The following LHFPL2 variants were observed in gnomAD, a reference collection of about 807,000 sequenced individuals.
LHFPL2 encodes the protein LHFPL tetraspan subfamily member 2, also known as LHFPL tetraspan subfamily member 2 protein.
A neutral mutation model predicts 17.5 loss-of-function variants in LHFPL2; 7 were observed. The ratio of observed to expected loss-of-function variants is 0.40; its 90% confidence interval spans 0.23 to 0.75. The LOEUF (loss-of-function observed/expected upper bound fraction) is 0.75, where lower values mean the gene tolerates loss of function less well. Ranked by LOEUF, LHFPL2 falls within the 30% of genes least tolerant of loss-of-function variation. The probability of loss-of-function intolerance (pLI) is 0.37; values close to 1 mark genes in which losing one functional copy is unlikely to be tolerated. For missense variants in LHFPL2, 241 were observed against 294.8 expected (o/e 0.82, Z 1.34); for synonymous variants, 134 against 116.2 (o/e 1.15, Z -0.99).
chr5:78,565,767 G>A (rs1756843243), intron 2 of LHFPL2, among the ~76,000 whole-genome samples: 2 of 152,128 alleles, frequency 1.3e-5, no homozygotes, highest in African/African-American at 4.8e-5. Context: ...TTCCAAACAC[G>A]CCTTTTTCCT....
At chr5:78,618,896 C>T (rs941627059) in intron 2 of LHFPL2, among the ~76,000 whole-genome samples, 3 of 152,154 alleles carry the variant, frequency 2.0e-5, no homozygotes, top group Admixed American at 1.3e-4. Flanking sequence ...TTCAGAAAAT[C>T]GGTCAAAACC....
intron 2 of LHFPL2, among the ~76,000 whole-genome samples, chr5:78,571,312 T>C (rs933833424): frequency 6.6e-6 from 1 of 152,078 alleles, no homozygotes; most frequent in Non-Finnish European, 1.5e-5. Context: ...TGTAACTATT[T>C]TGCCTCTATA....
intron 1 of LHFPL2, among the ~76,000 whole-genome samples, chr5:78,637,889 A>C (rs933731649): frequency 1.3e-4 from 20 of 152,206 alleles, no homozygotes; most frequent in African/African-American, 4.1e-4. Context: ...ACTTCTACCC[A>C]CAACTCTGGA....
intron 2 of LHFPL2, among the ~76,000 whole-genome samples, chr5:78,620,969 C>CTT (rs34853039): frequency 1.4e-5 from 2 of 141,682 alleles, no homozygotes; most frequent in East Asian, 2.0e-4. Flanking sequence ...TCTCAAACTC[C>CTT]TTTTTTTTTT....
intron 1 of LHFPL2, among the ~76,000 whole-genome samples, chr5:78,634,882 A>G (rs1745379212): frequency 1.3e-5 from 2 of 152,244 alleles, no homozygotes; most frequent in African/African-American, 4.8e-5. Flanking sequence ...TATTTGTGAT[A>G]AGAATGGAAT....
intron 3 of LHFPL2, among the ~76,000 whole-genome samples, chr5:78,547,555 A>C (rs1324032377): frequency 6.6e-6 from 1 of 152,216 alleles, no homozygotes; most frequent in Admixed American, 6.5e-5. Context: ...CCTCACCAAA[A>C]TTTTAAAATA....
chr5:78,609,450 C>CAAAAAAAAAAAAAAAAAAAAAA (rs71613975), intron 2 of LHFPL2, among the ~76,000 whole-genome samples: 2 of 40,682 alleles, frequency 4.9e-5, no homozygotes, highest in African/African-American at 1.7e-4. Flanking sequence ...GACTCAGTCT[C>CAAAAAAAAAAAAAAAAAAAAAA]AAAAAAAAAA....
intron 4 of LHFPL2, among the ~76,000 whole-genome samples, chr5:78,495,322 C>T (rs1754572136): frequency 1.3e-5 from 2 of 152,230 alleles, no homozygotes; most frequent in African/African-American, 4.8e-5. Context: ...TACTACCCTC[C>T]TTCACCACCT....
At chr5:78,620,477 A>G (rs1294945837) in intron 2 of LHFPL2, among the ~76,000 whole-genome samples, 2 of 152,180 alleles carry the variant, frequency 1.3e-5, no homozygotes, top group Admixed American at 6.5e-5. Flanking sequence ...TCAAACAGTG[A>G]TCATCTAAGG....
intron 2 of LHFPL2, among the ~76,000 whole-genome samples, chr5:78,599,605 CCCCTACTTCTA>C (rs1291120979): frequency 6.6e-6 from 1 of 152,088 alleles, no homozygotes; most frequent in Non-Finnish European, 1.5e-5. Context: ...CTACACCCAG[CCCCTACTTCTA>C]CCAGGTAGAG....
intron 2 of LHFPL2, among the ~76,000 whole-genome samples, chr5:78,565,715 AAAG>A (rs766950997): frequency 5.3e-5 from 8 of 152,228 alleles, no homozygotes; most frequent in Non-Finnish European, 8.8e-5. Context: ...ACTGATGTTA[AAAG>A]AAGTAGAGAA....
intron 3 of LHFPL2, among the ~76,000 whole-genome samples, chr5:78,517,282 A>T (rs1755320201): frequency 6.6e-6 from 1 of 151,946 alleles, no homozygotes; most frequent in Admixed American, 6.6e-5. Flanking sequence ...AGCTCTTTTG[A>T]CCCCCATGCT....
intron 2 of LHFPL2, among the ~76,000 whole-genome samples, chr5:78,631,935 C>CAAAAAAAA (rs35424661): frequency 1.9e-5 from 2 of 104,554 alleles, no homozygotes; most frequent in Non-Finnish European, 2.0e-5. Flanking sequence ...GACTCCATCT[C>CAAAAAAAA]AAAAAAAAAA....
chr5:78,614,395 G>A (rs1744525728), intron 2 of LHFPL2, among the ~76,000 whole-genome samples: 1 of 152,140 alleles, frequency 6.6e-6, no homozygotes, highest in Non-Finnish European at 1.5e-5. Context: ...TTCTTTACCT[G>A]TACAATGAGC....
At chr5:78,645,809 C>G (rs980921493) in intron 1 of LHFPL2, among the ~76,000 whole-genome samples, 1 of 152,130 alleles carries the variant, frequency 6.6e-6, no homozygotes, top group African/African-American at 2.4e-5. Flanking sequence ...TCTCGAACCC[C>G]TGACCTCGTG....
intron 2 of LHFPL2, among the ~76,000 whole-genome samples, chr5:78,617,196 T>C (rs1561367028): frequency 6.6e-6 from 1 of 151,926 alleles, no homozygotes; most frequent in Non-Finnish European, 1.5e-5. Context: ...GCCCAGATAA[T>C]TTTTTGTATT....
chr5:78,534,451 C>A (rs1580783758), intron 3 of LHFPL2, among the ~76,000 whole-genome samples: 1 of 152,234 alleles, frequency 6.6e-6, no homozygotes, highest in Non-Finnish European at 1.5e-5. Flanking sequence ...AAGGGAGCGG[C>A]TGCAGGACCC....
chr5:78,586,866 G>A (rs1157350412), intron 2 of LHFPL2, among the ~76,000 whole-genome samples: 1 of 152,160 alleles, frequency 6.6e-6, no homozygotes, highest in Non-Finnish European at 1.5e-5. Context: ...ACAAAAACTA[G>A]AATATTCTTT....
intron 2 of LHFPL2, among the ~76,000 whole-genome samples, chr5:78,588,321 A>G (rs2112456381): frequency 6.6e-6 from 1 of 152,336 alleles, no homozygotes; most frequent in Admixed American, 6.5e-5. Context: ...CAGGTGCATG[A>G]CACAGCACCC....
Sources: gnomAD v4.1 joint callset for allele counts (sites outside exome capture counted in the v4.1 genomes callset) on GRCh38, gnomAD v4.1.1 for gene constraint, MANE v1.5 for transcripts, NCBI Gene and HGNC (gene_info 2026-07-23, HGNC 2026-07-21) for gene names.